LRP1B: variants seen among roughly 807,000 people sequenced by gnomAD.
The protein encoded by LRP1B is low-density lipoprotein receptor-related protein 1B.
A neutral mutation model predicts 556.6 loss-of-function variants in LRP1B; 217 were observed. The observed-to-expected ratio is 0.39, with a 90% CI of 0.35 to 0.44. LRP1B has a LOEUF of 0.44. Among genes scored for constraint, LRP1B ranks in the 20% least tolerant of loss-of-function variants. LRP1B has a pLI of 1.00. For synonymous variants in LRP1B, 2,047 were observed against 1,865.8 expected (o/e 1.10, Z -2.50); for missense variants, 5,053 against 5,620.8 (o/e 0.90, Z 3.23).
intron 2 of LRP1B, among the ~76,000 whole-genome samples, chr2:141,794,171 CATGA>C (rs1351126991): frequency 4.6e-5 from 7 of 151,886 alleles, no homozygotes; most frequent in African/African-American, 1.7e-4. Flanking sequence ...GCATGACACT[CATGA>C]ATGAATGGGT....
At chr2:140,483,848 C>T (rs1423030549) in intron 59 of LRP1B, among the ~76,000 whole-genome samples, 4 of 151,622 alleles carry the variant, frequency 2.6e-5, no homozygotes, top group Admixed American at 2.6e-4. Flanking sequence ...GCCATGGTGG[C>T]CAGGCTGGTC....
At chr2:141,773,262 T>G (rs1290089244) in intron 2 of LRP1B, among the ~76,000 whole-genome samples, 1 of 152,218 alleles carries the variant, frequency 6.6e-6, no homozygotes, top group Non-Finnish European at 1.5e-5. Context: ...CCTTTCTATC[T>G]GTACCAAAGT....
Position 140,716,833 on chromosome 2 carries a change from G to GAAA in LRP1B, c.5759-20_5759-18dup. On this transcript the variant is annotated splice_polypyrimidine_tract_variant and intron_variant, in intron 35 of 90. Coordinates refer to ENST00000389484, the MANE Select transcript of LRP1B (RefSeq NM_018557.3). ...TATCATTTTCTATGGATAAGACACA[G>GAAA]AAAAAAAATACATATACACACACTG... 2 of 1,440,816 alleles carry GAAA rather than the reference G, an allele frequency of 1.4e-6. No individual in the cohort carries two copies. The highest frequency in any genetic ancestry group is 1.9e-6 in the Non-Finnish European group (2 of 1,038,648). 89.3% of individuals were successfully genotyped at this position (1,440,816 alleles called of 1,614,324 possible). A position where few individuals can be genotyped will look rare whatever the true frequency, so the allele number is the denominator to read the frequency against.
At chr2:141,146,669 C>T (rs989620600) in intron 7 of LRP1B, among the ~76,000 whole-genome samples, 11 of 152,226 alleles carry the variant, frequency 7.2e-5, no homozygotes, top group South Asian at 2.1e-4. Flanking sequence ...ACATATGACA[C>T]GTACATGTGC....
chr2:141,481,316 A>G (rs1369701720), intron 2 of LRP1B, among the ~76,000 whole-genome samples: 2 of 152,062 alleles, frequency 1.3e-5, no homozygotes, highest in South Asian at 2.1e-4. Flanking sequence ...TCAGGCTGTC[A>G]ATTCCCAAAT....
chr2:141,731,666 G>A (rs1231355628), intron 2 of LRP1B, among the ~76,000 whole-genome samples: 1 of 151,918 alleles, frequency 6.6e-6, no homozygotes, highest in African/African-American at 2.4e-5. Context: ...CCAGCCTCTC[G>A]AGCTAGACTA....
intron 2 of LRP1B, among the ~76,000 whole-genome samples, chr2:141,736,758 C>T (rs1438936225): frequency 1.3e-5 from 2 of 152,096 alleles, no homozygotes; most frequent in Non-Finnish European, 2.9e-5. Flanking sequence ...TTTGCATCAC[C>T]TTTTCTCAGG....
At chr2:142,042,640 A>G (rs1464041109) in intron 1 of LRP1B, among the ~76,000 whole-genome samples, 1 of 151,496 alleles carries the variant, frequency 6.6e-6, no homozygotes, top group African/African-American at 2.4e-5. Flanking sequence ...AGCTATATAT[A>G]CTAGGTTCAA....
chr2:140,753,096 A>C (rs1183058805), intron 35 of LRP1B, among the ~76,000 whole-genome samples: 1 of 152,172 alleles, frequency 6.6e-6, no homozygotes, highest in Non-Finnish European at 1.5e-5. Context: ...ATAGTTTTAC[A>C]TTTTCAAAAA....
chr2:140,595,995 T>C (rs954782467), intron 43 of LRP1B, among the ~76,000 whole-genome samples: 1 of 152,186 alleles, frequency 6.6e-6, no homozygotes, highest in Non-Finnish European at 1.5e-5. Context: ...AAGCATTTAG[T>C]CTTCCCCTTC....
chr2:140,679,838 C>T (rs907789273), intron 41 of LRP1B, among the ~76,000 whole-genome samples: 1 of 152,162 alleles, frequency 6.6e-6, no homozygotes, highest in African/African-American at 2.4e-5. Context: ...CTGTGGGCCA[C>T]ATGCAGCCCA....
intron 3 of LRP1B, among the ~76,000 whole-genome samples, chr2:141,460,470 A>G (rs1209366103): frequency 3.3e-5 from 5 of 152,190 alleles, no homozygotes; most frequent in Admixed American, 6.6e-5. Flanking sequence ...AAGGTTATAC[A>G]GGGTTTCAAC....
intron 25 of LRP1B, among the ~76,000 whole-genome samples, chr2:140,875,948 TG>T (rs1263912487): frequency 6.6e-6 from 1 of 152,196 alleles, no homozygotes; most frequent in East Asian, 1.9e-4. Flanking sequence ...TCTTTGACTA[TG>T]ACTGCCCTAA....
intron 1 of LRP1B, among the ~76,000 whole-genome samples, chr2:141,831,969 T>A (rs1508600): frequency 6.6e-6 from 1 of 151,440 alleles, no homozygotes; most frequent in South Asian, 2.1e-4. Flanking sequence ...CCTTTCTACA[T>A]TGGAAATTCT....
intron 1 of LRP1B, among the ~76,000 whole-genome samples, chr2:142,025,141 A>C (rs780838544): frequency 6.6e-6 from 1 of 151,998 alleles, no homozygotes; most frequent in South Asian, 2.1e-4. Flanking sequence ...CTTGTCATCT[A>C]ACTCTCCTCT....
At chr2:140,456,020 T>C (rs887371833) in intron 62 of LRP1B, among the ~76,000 whole-genome samples, 4 of 152,190 alleles carry the variant, frequency 2.6e-5, no homozygotes, top group African/African-American at 9.6e-5. Context: ...GAAAGTTATT[T>C]TGATCACATG....
intron 1 of LRP1B, among the ~76,000 whole-genome samples, chr2:142,065,618 C>G (rs1383170927): frequency 6.6e-6 from 1 of 151,272 alleles, no homozygotes; most frequent in African/African-American, 2.4e-5. Flanking sequence ...TGTCATGTAG[C>G]AAAATATTTA....
chr2:140,716,142 GA>G (rs756346319), intron 36 of LRP1B, 40 bp from the exon 37 acceptor site: 79 of 1,378,188 alleles, frequency 5.7e-5, no homozygotes, highest in East Asian at 2.4e-4. Flanking sequence ...ACAGTTTTGA[GA>G]AAAAAAATGT....
At chr2:140,284,235 G>T (rs947779998) in intron 84 of LRP1B, among the ~76,000 whole-genome samples, 1 of 151,264 alleles carries the variant, frequency 6.6e-6, no homozygotes, top group African/African-American at 2.4e-5. Context: ...GAATCCTAAA[G>T]GCTAACATAG....
Sources: allele counts gnomAD v4.1 joint callset (sites outside exome capture counted in the v4.1 genomes callset), GRCh38; gene constraint gnomAD v4.1.1; transcripts MANE v1.5; gene names NCBI Gene and HGNC (gene_info 2026-07-23, HGNC 2026-07-21).